Variants in CDH13 observed in about 807,000 individuals in gnomAD.
CDH13 encodes the protein cadherin-13.
A neutral mutation model predicts 63.8 loss-of-function variants in CDH13; 24 were observed. The ratio of observed to expected loss-of-function variants is 0.38; its 90% confidence interval spans 0.27 to 0.53. CDH13 has a LOEUF of 0.53. Among genes scored for constraint, CDH13 ranks in the 20% least tolerant of loss-of-function variants. The pLI is 0.85. For synonymous variants in CDH13, 503 were observed against 355.3 expected (o/e 1.42, Z -4.67); for missense variants, 1,049 against 903.1 (o/e 1.16, Z -2.07).
intron 13 of CDH13, among the ~76,000 whole-genome samples, chr16:83,788,562 C>T (rs952006965): frequency 6.6e-6 from 1 of 152,002 alleles, no homozygotes; most frequent in African/African-American, 2.4e-5. Context: ...TCCTGATCTA[C>T]AGATGACAAT....
intron 6 of CDH13, among the ~76,000 whole-genome samples, chr16:83,450,590 G>A (rs1488933528): frequency 6.6e-6 from 1 of 152,182 alleles, no homozygotes; most frequent in African/African-American, 2.4e-5. Flanking sequence ...GATAAAGAGG[G>A]CCAGGGGCGG....
At chr16:83,478,025 T>G (rs905989079) in intron 6 of CDH13, among the ~76,000 whole-genome samples, 2 of 151,426 alleles carry the variant, frequency 1.3e-5, no homozygotes, top group Admixed American at 6.6e-5. Context: ...ACTAAAAATA[T>G]AAAAAATTAG....
chr16:83,000,091 C>A (rs965139083), intron 2 of CDH13, among the ~76,000 whole-genome samples: 14 of 152,016 alleles, frequency 9.2e-5, no homozygotes, highest in African/African-American at 3.1e-4. Flanking sequence ...AAACCCTGGT[C>A]TATACAGGGT....
chr16:83,273,169 T>A (rs1287380888), intron 5 of CDH13, among the ~76,000 whole-genome samples: 2 of 150,700 alleles, frequency 1.3e-5, no homozygotes, highest in Admixed American at 6.7e-5. Flanking sequence ...TAAAATAATA[T>A]CAATTTTTTT....
At chr16:83,369,309 G>GT (rs898153412) in intron 6 of CDH13, among the ~76,000 whole-genome samples, 37 of 151,068 alleles carry the variant, frequency 2.4e-4, no homozygotes, top group Admixed American at 2.0e-3. Flanking sequence ...CAAGTCACCT[G>GT]TTTTTTTTTC....
rs9933230 is a variant in CDH13, at chr16:82,901,116, G to C, written c.157+42643G>C. Among the ~76,000 whole-genome samples, 723 of 150,494 alleles carry C rather than the reference G, an allele frequency of 4.8e-3. 2 individuals are homozygous for C. The highest frequency in any genetic ancestry group is 0.017 in the African/African-American group (691 of 40,866). On this transcript the variant is annotated intron_variant, in intron 2 of 13. Coordinates refer to ENST00000567109, the MANE Select transcript of CDH13 (RefSeq NM_001257.5). ...CCTTTATTACACTTCCAGAAAGAGA[G>C]CATGATCTCCTGGAATCTGTTTAGG...
At chr16:83,661,303 A>G (rs867785191) in intron 8 of CDH13, among the ~76,000 whole-genome samples, 2 of 152,114 alleles carry the variant, frequency 1.3e-5, no homozygotes, top group African/African-American at 2.4e-5. Flanking sequence ...CCTGAGCAGT[A>G]TAGTGAAACC....
chr16:83,462,864 A>G (rs1431392126), intron 6 of CDH13, among the ~76,000 whole-genome samples: 1 of 152,150 alleles, frequency 6.6e-6, no homozygotes, highest in Non-Finnish European at 1.5e-5. Flanking sequence ...TTGTCCAATA[A>G]AAGTTTATGT....
chr16:83,421,664 T>C (rs1359110787), intron 6 of CDH13, among the ~76,000 whole-genome samples: 1 of 152,214 alleles, frequency 6.6e-6, no homozygotes, highest in Non-Finnish European at 1.5e-5. Flanking sequence ...CCAGATTACA[T>C]GGCCACCCCT....
intron 1 of CDH13, among the ~76,000 whole-genome samples, chr16:82,672,687 C>G (rs1055933346): frequency 2.0e-5 from 3 of 151,902 alleles, no homozygotes; most frequent in Admixed American, 6.6e-5. Flanking sequence ...CTCACTGATT[C>G]ACTGTTCTCC....
chr16:82,687,137 C>T (rs1915156231), intron 1 of CDH13, among the ~76,000 whole-genome samples: 2 of 152,132 alleles, frequency 1.3e-5, no homozygotes, highest in South Asian at 4.1e-4. Context: ...ATCTGTTTAC[C>T]TAAGATGGAG....
At chr16:82,968,939 GA>G (rs2151361771) in intron 2 of CDH13, among the ~76,000 whole-genome samples, 1 of 151,978 alleles carries the variant, frequency 6.6e-6, no homozygotes, top group East Asian at 1.9e-4. Context: ...GGACAACATG[GA>G]AAAACCCCAT....
chr16:83,523,716 G>T (rs1375633572), intron 7 of CDH13, among the ~76,000 whole-genome samples: 1 of 152,172 alleles, frequency 6.6e-6, no homozygotes, highest in Non-Finnish European at 1.5e-5. Context: ...GGCATGTCCG[G>T]TTGCACATCC....
intron 2 of CDH13, among the ~76,000 whole-genome samples, chr16:82,902,779 C>G (rs1597177040): frequency 6.6e-6 from 1 of 152,218 alleles, no homozygotes; most frequent in Non-Finnish European, 1.5e-5. Flanking sequence ...TTCTGTATTT[C>G]CCACCAGATG....
In CDH13 at chr16:83,574,717, A is replaced by G. The variant is rs1292753398; in HGVS notation, c.961-27737A>G. Among the ~76,000 whole-genome samples the G allele has an allele frequency of 2.6e-5, 4 of 152,272 alleles. No homozygotes were observed. The East Asian group carries it at 7.7e-4, about 29-fold the overall frequency. On this transcript the variant is annotated intron_variant, in intron 7 of 13. Coordinates refer to ENST00000567109, the MANE Select transcript of CDH13 (RefSeq NM_001257.5). ...TTCAGTGGTAGCTTCGCGAATCACGACCAAGTCATACCAGGCCCTGTTAAG... is the reference window on the plus strand; with the variant it reads ...TTCAGTGGTAGCTTCGCGAATCACGGCCAAGTCATACCAGGCCCTGTTAAG...
intron 6 of CDH13, among the ~76,000 whole-genome samples, chr16:83,405,160 C>A (rs996436780): frequency 6.6e-6 from 1 of 151,836 alleles, no homozygotes; most frequent in African/African-American, 2.4e-5. Context: ...CTTAACAATT[C>A]TATGTGCATT....
intron 6 of CDH13, among the ~76,000 whole-genome samples, chr16:83,473,365 T>A (rs970092079): frequency 1.3e-5 from 2 of 152,202 alleles, no homozygotes; most frequent in African/African-American, 4.8e-5. Flanking sequence ...TACTAGCAAT[T>A]TGCTAGCACT....
At chr16:82,705,525 T>C (rs1183061581) in intron 1 of CDH13, among the ~76,000 whole-genome samples, 1 of 152,212 alleles carries the variant, frequency 6.6e-6, no homozygotes, top group Non-Finnish European at 1.5e-5. Context: ...CAAGCTCATT[T>C]GAGCAGTAGG....
chr16:82,964,390 T>C (rs183700308), intron 2 of CDH13, among the ~76,000 whole-genome samples: 4 of 152,338 alleles, frequency 2.6e-5, no homozygotes, highest in South Asian at 2.1e-4. Flanking sequence ...GTGATAACAG[T>C]TGGGGATTCT....
Sources: gnomAD v4.1 joint callset for allele counts (sites outside exome capture counted in the v4.1 genomes callset) on GRCh38, gnomAD v4.1.1 for gene constraint, MANE v1.5 for transcripts, NCBI Gene and HGNC (gene_info 2026-07-23, HGNC 2026-07-21) for gene names.